Variants in DST observed in about 807,000 individuals in gnomAD.
DST encodes the protein dystonin.
DST carries 253 observed loss-of-function variants against 875.2 expected under a neutral mutation model. The observed-to-expected ratio is 0.29, with a 90% CI of 0.26 to 0.32. DST has a LOEUF of 0.32. Ranked by LOEUF, DST falls within the 10% of genes least tolerant of loss-of-function variation. The pLI is 1.00. For synonymous variants in DST, 3,124 were observed against 3,197.1 expected (o/e 0.98, Z 0.77); for missense variants, 8,287 against 9,111.6 (o/e 0.91, Z 3.68).
chr6:56,468,514 C>T (rs1170175278), intron 98 of DST, among the ~76,000 whole-genome samples: 2 of 152,130 alleles, frequency 1.3e-5, no homozygotes, highest in Admixed American at 6.6e-5. Context: ...TTACTTGTGG[C>T]TGAGTGCCAA....
chr6:56,812,343 G>A (rs547804333), intron 4 of DST, among the ~76,000 whole-genome samples: 1 of 152,226 alleles, frequency 6.6e-6, no homozygotes, highest in African/African-American at 2.4e-5. Flanking sequence ...AAAGACAGAA[G>A]TGAAAGAAAT....
At chr6:56,596,110 C>T (rs2098381934) in intron 47 of DST, among the ~76,000 whole-genome samples, 1 of 152,038 alleles carries the variant, frequency 6.6e-6, no homozygotes, top group African/African-American at 2.4e-5. Flanking sequence ...CTCATTGCAA[C>T]CTCTGTTTTC....
chr6:56,710,707 C>A (rs1201782654), intron 5 of DST, among the ~76,000 whole-genome samples: 1 of 152,042 alleles, frequency 6.6e-6, no homozygotes, highest in Non-Finnish European at 1.5e-5. Context: ...TAGGTAGCTG[C>A]CTTATCTAAA....
At chr6:56,639,798 C>G in intron 19 of DST, 25 bp from the exon 20 acceptor site, 1 of 1,605,190 alleles carries the variant, frequency 6.2e-7, no homozygotes, top group Non-Finnish European at 8.5e-7. Context: ...TAAAAAGACA[C>G]TCCAGTCAGG....
At chr6:56,590,476 T>C (rs2098251443) in intron 49 of DST, among the ~76,000 whole-genome samples, 1 of 152,210 alleles carries the variant, frequency 6.6e-6, no homozygotes. Flanking sequence ...AAATGATACG[T>C]ATTTCCTACT....
At chr6:56,538,269 T>G (rs1040785218) in intron 61 of DST, among the ~76,000 whole-genome samples, 1 of 152,180 alleles carries the variant, frequency 6.6e-6, no homozygotes, top group Non-Finnish European at 1.5e-5. Flanking sequence ...GGATTACAGG[T>G]ATGAGCCAAC....
chr6:56,527,351 T>C, intron 68 of DST, 142 bp downstream of exon 68: 1 of 1,025,946 alleles, frequency 9.7e-7, no homozygotes, highest in East Asian at 2.6e-5. Context: ...GTTGATCTGC[T>C]GCCAATTTCT....
intron 4 of DST, among the ~76,000 whole-genome samples, chr6:56,765,867 A>C (rs1195597954): frequency 6.6e-6 from 1 of 152,186 alleles, no homozygotes; most frequent in African/African-American, 2.4e-5. Context: ...ACCACCCAAA[A>C]ACTCAAAAAT....
chr6:56,904,433 C>T (rs1027527399), intron 2 of DST, among the ~76,000 whole-genome samples: 6 of 152,314 alleles, frequency 3.9e-5, no homozygotes, highest in South Asian at 4.1e-4. Flanking sequence ...TATAACAATA[C>T]GTCTCTCTTG....
At chr6:56,888,930 G>C (rs1392562515) in intron 3 of DST, among the ~76,000 whole-genome samples, 1 of 152,172 alleles carries the variant, frequency 6.6e-6, no homozygotes, top group Non-Finnish European at 1.5e-5. Context: ...GTACATCTGG[G>C]ACTTCATTTC....
intron 10 of DST, among the ~76,000 whole-genome samples, chr6:56,668,011 C>T (rs538254233): frequency 2.3e-4 from 35 of 151,990 alleles, no homozygotes; most frequent in Non-Finnish European, 4.0e-4. Context: ...AGCAATCCTC[C>T]GGCCTCATCC....
At position 56,717,746 on chromosome 6, in the gene DST, C is replaced by T. The variant is rs374067140; in HGVS notation, c.688-13377G>A. On this transcript the variant is annotated intron_variant, in intron 5 of 103. Coordinates refer to ENST00000680361, the MANE Select transcript of DST (RefSeq NM_001374736.1). ...GGTTCATAAGGACCATTTCCAACAGCCCTATGATAGCACTCTCAACCAATC... is the reference window on the plus strand; with the variant it reads ...GGTTCATAAGGACCATTTCCAACAGTCCTATGATAGCACTCTCAACCAATC... Among the ~76,000 whole-genome samples, 4 of 152,162 alleles carry T rather than the reference C, an allele frequency of 2.6e-5. No individual in the cohort carries two copies. The East Asian group carries it at 5.8e-4, about 22-fold the overall frequency.
rs2152511719 is a variant in DST at position 56,529,735 on chromosome 6, G to A, written c.17308C>T (p.His5770Tyr). Reference sequence around the variant, plus strand: ...GACTGGCCAATGCTAACAGCCTGGTGTAAATGTTTATTGTGATTGATGATG... The same window carrying A: ...GACTGGCCAATGCTAACAGCCTGGTATAAATGTTTATTGTGATTGATGATG... The part of the protein sequence containing the change: ...DDIINHNKHL[H>Y]QAVSIGQSLK... Residue 5770 changes from histidine (H) to tyrosine (Y), a missense_variant, in exon 66 of 104, where the codon CAC (histidine) becomes TAC (tyrosine). His to Tyr is a moderately conservative substitution (Grantham distance 83). Around this residue, in one of 10 missense-constraint regions of DST, gnomAD observed 777 missense variants for 764.8 expected, o/e 1.02. Coordinates refer to ENST00000680361, the MANE Select transcript of DST (RefSeq NM_001374736.1). 1.2e-6 allele frequency: 2 copies of A among 1,607,228 alleles called. No individual in the cohort carries two copies. The highest frequency in any genetic ancestry group is 1.1e-5 in the South Asian group (1 of 89,782).
chr6:56,754,196 T>C (rs1394710454), intron 4 of DST, among the ~76,000 whole-genome samples: 1 of 152,224 alleles, frequency 6.6e-6, no homozygotes, highest in Non-Finnish European at 1.5e-5. Context: ...AACTTATTTA[T>C]AAAGTACAAC....
intron 3 of DST, among the ~76,000 whole-genome samples, chr6:56,859,237 T>C (rs1769695979): frequency 2.0e-5 from 3 of 152,256 alleles, no homozygotes; most frequent in African/African-American, 7.2e-5. Flanking sequence ...CTTCACTTAC[T>C]CTGTGGTCTC....
intron 4 of DST, among the ~76,000 whole-genome samples, chr6:56,754,220 T>G (rs1041731577): frequency 1.3e-5 from 2 of 152,194 alleles, no homozygotes; most frequent in Non-Finnish European, 2.9e-5. Flanking sequence ...TAAAAGGAAA[T>G]CAATTAATTC....
Position 56,603,724 on chromosome 6 carries a change from A to G in DST, c.10792-11T>C, listed in dbSNP as rs1441997644. 1.3e-6 allele frequency: 2 copies of G among 1,591,184 alleles called. No individual in the cohort carries two copies. Among genetic ancestry groups the G allele is most frequent in the Non-Finnish European group, 1.7e-6 (2 of 1,171,658 alleles). On this transcript the variant is annotated splice_polypyrimidine_tract_variant and intron_variant, in intron 40 of 103. Coordinates refer to ENST00000680361, the MANE Select transcript of DST (RefSeq NM_001374736.1). ...TAATTCACTGGAAAACTAAAAACAA[A>G]GTTGGACATTTTAATTCAATAACCT...
chr6:56,702,439 A>G (rs1347020013), intron 7 of DST, among the ~76,000 whole-genome samples: 1 of 152,082 alleles, frequency 6.6e-6, no homozygotes, highest in Non-Finnish European at 1.5e-5. Context: ...TGAAAATGAG[A>G]TAAAGTAGCA....
At chr6:56,619,975 C>T (rs981126917) in intron 36 of DST, 1 of 1,614,098 alleles carries the variant, frequency 6.2e-7, no homozygotes, top group Non-Finnish European at 8.5e-7. Flanking sequence ...CATGTTCTTG[C>T]TGGAGACCCG....
Sources: gnomAD v4.1 joint callset for allele counts (sites outside exome capture counted in the v4.1 genomes callset) on GRCh38, gnomAD v4.1.1 for gene constraint, gnomAD v4.1.1 regional missense constraint, MANE v1.5 for transcripts, NCBI Gene and HGNC (gene_info 2026-07-23, HGNC 2026-07-21) for gene names.